The following NDRG4 variants were observed in gnomAD, a reference collection of about 807,000 sequenced individuals.
The protein encoded by NDRG4 is NDRG family member 4, also known as protein NDRG4.
NDRG4 carries 38 observed loss-of-function variants against 55.8 expected under a neutral mutation model. That is an observed-to-expected ratio of 0.68 (90% CI 0.53 to 0.89). The LOEUF (loss-of-function observed/expected upper bound fraction) is 0.89, where lower values mean the gene tolerates loss of function less well. Ranked by LOEUF, NDRG4 falls within the 40% of genes least tolerant of loss-of-function variation. The pLI is 0.00. For missense variants in NDRG4, 455 were observed against 468.6 expected, an observed-to-expected ratio of 0.97 and a Z score of 0.27; for synonymous variants, 190 against 182.7, an observed-to-expected ratio of 1.04 and a Z score of -0.32.
At chr16:58,482,689 C>CTTCCTTCCTCCCTCCCTCCT (rs1202625290) in intron 1 of NDRG4, among the ~76,000 whole-genome samples, 3 of 138,280 alleles carry the variant, frequency 2.2e-5, no homozygotes, top group African/African-American at 6.0e-5. Context: ...TCCTCCCTCC[C>CTTCCTTCCTCCCTCCCTCCT]TTCCTTCCTC....
At chr16:58,487,741 G>T in intron 1 of NDRG4, 1 of 1,517,382 alleles carries the variant, frequency 6.6e-7, no homozygotes, top group Non-Finnish European at 8.9e-7. Flanking sequence ...CCTCAACCTC[G>T]CCCTCCCTCC....
intron 2 of NDRG4, among the ~76,000 whole-genome samples, chr16:58,491,265 G>T (rs2035755270): frequency 6.6e-6 from 1 of 151,956 alleles, no homozygotes; most frequent in Admixed American, 6.6e-5. Context: ...GACAGAGTAA[G>T]ACTCTGTCTC....
upstream of NDRG4, chr16:58,495,153 C>T: frequency 7.8e-6 from 6 of 773,704 alleles, no homozygotes; most frequent in South Asian, 8.4e-5. Flanking sequence ...ATGAACTGGC[C>T]CTGCTTCTGC....
At chr16:58,478,402 AG>A (rs35450035) in intron 1 of NDRG4, among the ~76,000 whole-genome samples, 96,329 of 148,648 alleles carry the variant, frequency 0.65, 35,111 homozygotes, top group Non-Finnish European at 0.83. Flanking sequence ...AAAAAAAAAA[AG>A]TGTCAAGGTT....
intron 2 of NDRG4, among the ~76,000 whole-genome samples, chr16:58,492,281 C>G (rs1299988465): frequency 1.3e-5 from 2 of 152,110 alleles, no homozygotes; most frequent in Non-Finnish European, 2.9e-5. Context: ...ACACACCACT[C>G]CTCTGCCTCC....
At chr16:58,487,579 A>G (rs1216383074) in intron 1 of NDRG4, among the ~76,000 whole-genome samples, 1 of 152,206 alleles carries the variant, frequency 6.6e-6, no homozygotes, top group Non-Finnish European at 1.5e-5. Context: ...CAAGCCAGAC[A>G]GGCGGGTCTT....
intron 1 of NDRG4, among the ~76,000 whole-genome samples, chr16:58,474,452 A>G (rs188674510): frequency 1.3e-5 from 2 of 152,062 alleles, no homozygotes; most frequent in South Asian, 2.1e-4. Context: ...GGACATCCCA[A>G]CGCTCGCTCC....
intron 7 of NDRG4, 76 bp from the exon 8 acceptor site, chr16:58,506,836 C>T (rs1336821963): frequency 2.9e-6 from 4 of 1,386,508 alleles, no homozygotes; most frequent in Admixed American, 1.9e-5. Context: ...CTGGCAGTGA[C>T]ATCTGCCAGC....
At chr16:58,507,427 T>C in intron 8 of NDRG4, 1 of 355,094 alleles carries the variant, frequency 2.8e-6, no homozygotes, top group East Asian at 4.8e-5. Flanking sequence ...CCAGGCCCCC[T>C]CACTCACGTG....
upstream of NDRG4, among the ~76,000 whole-genome samples, chr16:58,497,575 TTGCAGCTGCCTG>T (rs1344925811): frequency 2.0e-5 from 3 of 152,220 alleles, no homozygotes. Context: ...TGTATTATCC[TTGCAGCTGCCTG>T]TGCAGTAGGC....
downstream of NDRG4, among the ~76,000 whole-genome samples, chr16:58,514,477 C>T (rs890248663): frequency 6.6e-6 from 1 of 152,146 alleles, no homozygotes; most frequent in Non-Finnish European, 1.5e-5. Flanking sequence ...TGGCTCACGC[C>T]TGTAATCCTA....
chr16:58,474,445 C>T (rs1184672532), intron 1 of NDRG4, among the ~76,000 whole-genome samples: 1 of 152,176 alleles, frequency 6.6e-6, no homozygotes, highest in Non-Finnish European at 1.5e-5. Flanking sequence ...CCTTCCCGGA[C>T]ATCCCAACGC....
chr16:58,473,279 C>T (rs1304599358), intron 1 of NDRG4, among the ~76,000 whole-genome samples: 1 of 152,140 alleles, frequency 6.6e-6, no homozygotes, highest in Admixed American at 6.5e-5. Context: ...CACGCCTCAG[C>T]CCCCGCCCCT....
In NDRG4 at chr16:58,505,158, G is replaced by A. The variant is rs548762276; in HGVS notation, c.372+509G>A. Among the ~76,000 whole-genome samples the A allele has an allele frequency of 5.9e-5, 9 of 152,166 alleles. No homozygotes were observed. In the South Asian group the frequency reaches 1.9e-3, roughly 32 times the overall value. On this transcript the variant is annotated intron_variant, in intron 5 of 14. Coordinates refer to ENST00000570248, the MANE Select transcript of NDRG4 (RefSeq NM_001242835.2). ...AGGTCAGGAGATCAAGACCATCCTG[G>A]CTAACACGGTGAAACCCAGTCTCTA...
chr16:58,477,001 G>A (rs2033741427), intron 1 of NDRG4, among the ~76,000 whole-genome samples: 1 of 151,940 alleles, frequency 6.6e-6, no homozygotes, highest in Admixed American at 6.6e-5. Flanking sequence ...ATGGATGAGA[G>A]CCAGGTTTCT....
intron 8 of NDRG4, chr16:58,507,484 T>A (rs2038192557): frequency 2.6e-6 from 1 of 391,180 alleles, no homozygotes; most frequent in African/African-American, 3.2e-5. Flanking sequence ...GCTGTGTGCA[T>A]GGTGCTAAGA....
At chr16:58,483,499 G>C (rs1039023245) in intron 1 of NDRG4, among the ~76,000 whole-genome samples, 1 of 152,134 alleles carries the variant, frequency 6.6e-6, no homozygotes, top group Non-Finnish European at 1.5e-5. Flanking sequence ...CACACTCCCC[G>C]GTGCTCTTTT....
intron 1 of NDRG4, among the ~76,000 whole-genome samples, chr16:58,477,192 T>G (rs1234209482): frequency 6.6e-6 from 1 of 151,754 alleles, no homozygotes; most frequent in Non-Finnish European, 1.5e-5. Context: ...GTGTGTGTGT[T>G]AGTGTCTTGC....
intron 1 of NDRG4, chr16:58,502,114 G>A (rs2037236063): frequency 2.3e-6 from 1 of 428,154 alleles, no homozygotes; most frequent in South Asian, 1.6e-5. Flanking sequence ...GCACCTGGCA[G>A]GGCCTGCCCT....
Sources: allele counts gnomAD v4.1 joint callset (sites outside exome capture counted in the v4.1 genomes callset), GRCh38; gene constraint gnomAD v4.1.1; transcripts MANE v1.5; gene names NCBI Gene and HGNC (gene_info 2026-07-23, HGNC 2026-07-21).